Variants in PCLO observed in about 807,000 individuals in gnomAD.
PCLO encodes the protein piccolo presynaptic cytomatrix protein.
In PCLO, 82 loss-of-function variants were observed where a neutral mutation model predicts 427.5. The observed-to-expected ratio is 0.19, with a 90% confidence interval of 0.16 to 0.23. The LOEUF (loss-of-function observed/expected upper bound fraction) is 0.23. Ranked by LOEUF, PCLO falls within the 10% of genes least tolerant of loss-of-function variation. PCLO has a pLI of 1.00. For missense variants in PCLO, 6,239 were observed against 6,115.9 expected (o/e 1.02, Z -0.67); for synonymous variants, 2,357 against 2,155.4 (o/e 1.09, Z -2.59).
chr7:83,144,890 T>C (rs1304375842), intron 2 of PCLO, among the ~76,000 whole-genome samples: 1 of 152,238 alleles, frequency 6.6e-6, no homozygotes, highest in African/African-American at 2.4e-5. Context: ...AGAAATCTGT[T>C]CATAAGAGTT....
intron 3 of PCLO, among the ~76,000 whole-genome samples, chr7:83,048,542 G>A (rs751953714): frequency 5.3e-5 from 8 of 152,008 alleles, no homozygotes; most frequent in Non-Finnish European, 1.0e-4. Flanking sequence ...GAGAGATCAG[G>A]CAATTACAAT....
intron 3 of PCLO, among the ~76,000 whole-genome samples, chr7:83,094,196 A>G (rs1790466810): frequency 7.1e-6 from 1 of 140,164 alleles, no homozygotes; most frequent in South Asian, 2.2e-4. Flanking sequence ...ACCTTTTGGG[A>G]CTGATTTTTT....
intron 5 of PCLO, 39 bp downstream of exon 5, chr7:82,951,817 G>C: frequency 6.4e-7 from 1 of 1,570,656 alleles, no homozygotes; most frequent in South Asian, 1.2e-5. Context: ...ACACCATAAT[G>C]ATATTTCAAG....
In PCLO at chr7:82,916,009, T is replaced by C; in HGVS notation, c.11977A>G (p.Thr3993Ala). ...NQPLMIAPVS[T>A]DNTFAVSHLG... Reference sequence around the variant, plus strand: ...TGGGAAACAGCAAATGTGTTATCCGTAGAAACAGGTGCTATCATAAGGGGT... The same window carrying C: ...TGGGAAACAGCAAATGTGTTATCCGCAGAAACAGGTGCTATCATAAGGGGT... Residue 3993 changes from threonine (T) to alanine (A), a missense_variant, in exon 7 of 25, where the codon ACG (threonine) becomes GCG (alanine). By Grantham distance (58) the Thr-to-Ala change is moderately conservative. Coordinates refer to ENST00000333891, the MANE Select transcript of PCLO (RefSeq NM_033026.6). 6.2e-7 allele frequency: 1 copy of C among 1,612,790 alleles called. No individual in the cohort carries two copies. Among genetic ancestry groups the C allele is most frequent in the South Asian group, 1.1e-5 (1 of 91,092 alleles).
intron 6 of PCLO, among the ~76,000 whole-genome samples, chr7:82,938,971 A>AAATT (rs1428056306): frequency 2.6e-5 from 4 of 152,034 alleles, no homozygotes; most frequent in African/African-American, 9.7e-5. Context: ...ACGTAAATGT[A>AAATT]AATTAAAAAT....
chr7:83,144,381 A>AT (rs76529039), intron 2 of PCLO, among the ~76,000 whole-genome samples: 113,609 of 151,994 alleles, frequency 0.75, 42,985 homozygotes, highest in East Asian at 0.99. Context: ...AGATCACACC[A>AT]TTGCACTCCA....
In PCLO at chr7:82,915,777, T is replaced by C. The variant is rs1325675023; in HGVS notation, c.12209A>G (p.Glu4070Gly). The change falls in exon 7 of 25, where the codon GAA becomes GGA. Residue 4070 changes from glutamate to glycine, a missense_variant. Around this residue, in one of 5 missense-constraint regions of PCLO, gnomAD observed 680 missense variants for 677.3 expected, o/e 1.00. Coordinates refer to ENST00000333891, the MANE Select transcript of PCLO (RefSeq NM_033026.6). ...ACGGTCTGTTTTTGACAGATCCTTTTCATGAAGGCTAAATGCGGTGCTTAA... is the reference window on the plus strand; with the variant it reads ...ACGGTCTGTTTTTGACAGATCCTTTCCATGAAGGCTAAATGCGGTGCTTAA... The part of the protein sequence containing the change: ...AALSTAFSLH[E>G]KDLSKTDRLL... The C allele has an allele frequency of 7.4e-6, 12 of 1,612,526 alleles. No homozygotes were observed. The highest frequency in any genetic ancestry group is 2.2e-5 in the East Asian group (1 of 44,654).
chr7:82,990,967 T>C lies in PCLO; in HGVS notation c.3301-24480A>G, dbSNP rs911220168. Among the ~76,000 whole-genome samples, 3 of 152,174 alleles carry C rather than the reference T, an allele frequency of 2.0e-5. No homozygotes were observed. In the East Asian group the frequency reaches 5.8e-4, roughly 29 times the overall value. ...TCATTTATTTCTTACTTACTAATTT[T>C]AGAATGAGCTAATAGACCAGAAGTA... is the stretch of plus-strand genomic sequence containing the variant. On this transcript the variant is annotated intron_variant, in intron 3 of 24. Coordinates refer to ENST00000333891, the MANE Select transcript of PCLO (RefSeq NM_033026.6).
At chr7:83,095,394 T>C (rs1438402511) in intron 3 of PCLO, among the ~76,000 whole-genome samples, 1 of 151,976 alleles carries the variant, frequency 6.6e-6, no homozygotes, top group Non-Finnish European at 1.5e-5. Context: ...CCTTGTTTTA[T>C]TGATTTTTCT....
At chr7:83,122,416 C>T (rs1356291756) in intron 3 of PCLO, among the ~76,000 whole-genome samples, 2 of 151,600 alleles carry the variant, frequency 1.3e-5, no homozygotes, top group Non-Finnish European at 2.9e-5. Context: ...CTCCCAAGTA[C>T]CTGGGATTAC....
intron 4 of PCLO, among the ~76,000 whole-genome samples, chr7:82,957,694 A>C (rs1187332756): frequency 6.6e-6 from 1 of 152,224 alleles, no homozygotes; most frequent in Non-Finnish European, 1.5e-5. Flanking sequence ...ATTTCTATAG[A>C]GTTGTTAATC....
At position 83,152,690 on chromosome 7, in the gene PCLO, A is replaced by C. The variant is rs540041508; in HGVS notation, c.1893+2058T>G. Reference sequence around the variant, plus strand: ...ATCTATTGAAATAGTGCCCATCCTTATATGCCCAGCTCAAATGCCATTTTC... The same window carrying C: ...ATCTATTGAAATAGTGCCCATCCTTCTATGCCCAGCTCAAATGCCATTTTC... On this transcript the variant is annotated intron_variant, in intron 2 of 24. Coordinates refer to ENST00000333891, the MANE Select transcript of PCLO (RefSeq NM_033026.6). 6.6e-5 allele frequency among the ~76,000 whole-genome samples: 10 copies of C among 152,250 alleles called. No homozygotes were observed. The South Asian group carries it at 1.9e-3, about 28-fold the overall frequency.
At chr7:83,005,091 T>C (rs1357587204) in intron 3 of PCLO, among the ~76,000 whole-genome samples, 1 of 151,500 alleles carries the variant, frequency 6.6e-6, no homozygotes, top group Non-Finnish European at 1.5e-5. Flanking sequence ...GAGAAAACAG[T>C]ATAAGTGTTT....
intron 17 of PCLO, 136 bp downstream of exon 17, chr7:82,827,737 C>T (rs1459695564): frequency 1.8e-5 from 9 of 508,574 alleles, no homozygotes; most frequent in East Asian, 3.2e-5. Context: ...CCATTGGCTA[C>T]ATTTCTTACA....
chr7:82,838,306 G>T lies in PCLO; in HGVS notation c.14134C>A (p.His4712Asn). The change falls in exon 15 of 25, where the codon CAT becomes AAT. Residue 4712 changes from histidine to asparagine, a missense_variant. Around this residue, in one of 5 missense-constraint regions of PCLO, gnomAD observed 877 missense variants for 925.5 expected, o/e 0.95. Transcript: ENST00000333891. ...INYDLGNLII[H>N]ILQARNLVPR... is the part of the protein sequence containing the mutation. ...ACAAGATTTCTTGCTTGGAGAATAT[G>T]TATTATGAGATTTCCAAGATCATAG... 6.5e-7 allele frequency: 1 copy of T among 1,536,234 alleles called. No individual in the cohort carries two copies. The highest frequency in any genetic ancestry group is 8.9e-7 in the Non-Finnish European group (1 of 1,119,912).
In PCLO at chr7:82,758,469, T is replaced by C. The variant is rs1313371325; in HGVS notation, c.*106A>G. The C allele has an allele frequency of 7.0e-6, 6 of 862,228 alleles. No homozygotes were observed. The highest frequency in any genetic ancestry group is 1.0e-5 in the Non-Finnish European group (6 of 575,766). 53.4% of individuals were successfully genotyped at this position (862,228 alleles called of 1,614,324 possible). On this transcript the variant is annotated 3_prime_UTR_variant, in exon 25 of 25. Coordinates refer to ENST00000333891, the MANE Select transcript of PCLO (RefSeq NM_033026.6). The stretch of plus-strand genomic sequence containing the variant: ...GTATGTTTTTGCTTGTTGTTCCCAC[T>C]CTTATGTTTGCCTCTCAAAACTTAG...
intron 3 of PCLO, among the ~76,000 whole-genome samples, chr7:83,077,021 G>GATAT (rs36072134): frequency 5.8e-4 from 87 of 149,940 alleles, no homozygotes; most frequent in East Asian, 4.9e-3. Context: ...AAAATGCATT[G>GATAT]ATATATATAT....
chr7:82,908,853 G>T (rs1305258519), intron 8 of PCLO, 24 bp downstream of exon 8: 2 of 1,599,742 alleles, frequency 1.3e-6, no homozygotes, highest in East Asian at 2.2e-5. Context: ...AAATCTAAAA[G>T]AAATTGCTAA....
chr7:82,973,789 C>T (rs1389747452), intron 3 of PCLO, among the ~76,000 whole-genome samples: 2 of 151,286 alleles, frequency 1.3e-5, no homozygotes, highest in East Asian at 3.9e-4. Context: ...AGCAACATGC[C>T]AACTAAAATT....
Sources: allele counts gnomAD v4.1 joint callset (sites outside exome capture counted in the v4.1 genomes callset), GRCh38; gene constraint gnomAD v4.1.1; regional missense constraint gnomAD v4.1.1; transcripts MANE v1.5; gene names NCBI Gene and HGNC (gene_info 2026-07-23, HGNC 2026-07-21).